The following LMNB1 variants were observed in gnomAD, a reference collection of about 807,000 sequenced individuals.
The protein encoded by LMNB1 is lamin-B1.
Under a neutral mutation model 67.1 loss-of-function variants are expected in LMNB1, and 23 were observed. That is an observed-to-expected ratio of 0.34 (90% CI 0.25 to 0.49). The LOEUF (loss-of-function observed/expected upper bound fraction) is 0.49, where lower values mean the gene tolerates loss of function less well. Ranked by LOEUF, LMNB1 falls within the 20% of genes least tolerant of loss-of-function variation. LMNB1 has a pLI of 0.99. For synonymous variants in LMNB1, 281 were observed against 282.9 expected (o/e 0.99, Z 0.07); for missense variants, 634 against 746.5 (o/e 0.85, Z 1.76).
intron 10 of LMNB1, among the ~76,000 whole-genome samples, chr5:126,834,963 G>A (rs1752218215): frequency 6.6e-6 from 1 of 152,154 alleles, no homozygotes. Context: ...TTGAAAGATT[G>A]GAATTAAACT....
intron 1 of LMNB1, among the ~76,000 whole-genome samples, chr5:126,778,331 A>T (rs1272935843): frequency 6.6e-6 from 1 of 152,008 alleles, no homozygotes; most frequent in East Asian, 1.9e-4. Context: ...GCCGGGGAGG[A>T]CTGGCAGCCC....
intron 9 of LMNB1, among the ~76,000 whole-genome samples, chr5:126,829,126 T>C (rs112998903): frequency 6.6e-6 from 1 of 152,090 alleles, no homozygotes; most frequent in Non-Finnish European, 1.5e-5. Context: ...TAGTCAGTTT[T>C]GTTTCTTATG....
chr5:126,814,747 C>T (rs1005358240), intron 5 of LMNB1, among the ~76,000 whole-genome samples: 4 of 152,122 alleles, frequency 2.6e-5, no homozygotes, highest in Non-Finnish European at 5.9e-5. Context: ...CCATGTTAGC[C>T]AGGTTGGTTT....
chr5:126,831,720 TA>T (rs1752139078), intron 9 of LMNB1, among the ~76,000 whole-genome samples: 1 of 152,240 alleles, frequency 6.6e-6, no homozygotes, highest in African/African-American at 2.4e-5. Flanking sequence ...TGCCAGGAGC[TA>T]AGATCTTTAA....
At chr5:126,782,384 C>T (rs1750653712) in intron 1 of LMNB1, among the ~76,000 whole-genome samples, 1 of 152,262 alleles carries the variant, frequency 6.6e-6, no homozygotes, top group South Asian at 2.1e-4. Flanking sequence ...AGAGTTAGCA[C>T]TCTATCATGA....
In LMNB1 at chr5:126,818,992, G is replaced by T; in HGVS notation, c.1010G>T (p.Arg337Leu). ...GCTAAAGAAAAAGACAACTCTCGTC[G>T]CATGCTGACAGACAAAGAGAGAGAG... ...LLAKEKDNSRRMLTDKEREMA... is the reference protein window; with the variant it reads ...LLAKEKDNSRLMLTDKEREMA... The change falls in exon 6 of 11, where the codon CGC becomes CTC. Residue 337 changes from arginine (R) to leucine (L), a missense_variant. By Grantham distance (102) the Arg-to-Leu change is moderately radical (BLOSUM62 -2). Coordinates refer to ENST00000261366, the MANE Select transcript of LMNB1 (RefSeq NM_005573.4). 3 of 1,614,126 alleles carry T rather than the reference G, an allele frequency of 1.9e-6. No homozygotes were observed. Among genetic ancestry groups the T allele is most frequent in the South Asian group, 1.1e-5 (1 of 91,084 alleles).
At chr5:126,791,714 G>T (rs1750963166) in intron 1 of LMNB1, among the ~76,000 whole-genome samples, 1 of 151,834 alleles carries the variant, frequency 6.6e-6, no homozygotes, top group Non-Finnish European at 1.5e-5. Flanking sequence ...TGGTCCTTCT[G>T]CCTCAGCCTC....
chr5:126,822,808 A>G lies in LMNB1; in HGVS notation c.1414A>G (p.Ile472Val). Residue 472 changes from isoleucine to valine, a missense_variant, in exon 8 of 11, where the codon ATC (isoleucine) becomes GTC (valine). Coordinates refer to ENST00000261366, the MANE Select transcript of LMNB1 (RefSeq NM_005573.4). ...QDQPMGGWEM[I>V]RKIGDTSVSY... ...TCAACCAATGGGAGGCTGGGAGATG[A>G]TCAGAAAAATTGGAGACACATCAGT... The G allele has an allele frequency of 6.2e-7, 1 of 1,612,720 alleles. No individual in the cohort carries two copies. Among genetic ancestry groups the G allele is most frequent in the East Asian group, 2.2e-5 (1 of 44,862 alleles).
intron 2 of LMNB1, among the ~76,000 whole-genome samples, chr5:126,805,216 T>C (rs947973279): frequency 5.9e-5 from 9 of 152,150 alleles, no homozygotes; most frequent in African/African-American, 2.2e-4. Context: ...CCTATTTTGT[T>C]AGTTAGGAAA....
At chr5:126,799,304 G>T (rs560864620) in intron 1 of LMNB1, among the ~76,000 whole-genome samples, 2 of 152,200 alleles carry the variant, frequency 1.3e-5, no homozygotes, top group Non-Finnish European at 2.9e-5. Context: ...GAGCCACCGC[G>T]CCCGGCCGCG....
chr5:126,796,782 CTTTCTTT>C (rs1580533557), intron 1 of LMNB1, among the ~76,000 whole-genome samples: 2 of 125,630 alleles, frequency 1.6e-5, no homozygotes, highest in African/African-American at 6.0e-5. Context: ...TTTCTTTTTT[CTTTCTTT>C]TTTTTTTTTT....
intron 1 of LMNB1, among the ~76,000 whole-genome samples, chr5:126,794,340 G>A (rs1179041648): frequency 2.6e-5 from 4 of 152,196 alleles, no homozygotes; most frequent in Non-Finnish European, 5.9e-5. Flanking sequence ...GTTAACATGA[G>A]GACAGTGTTG....
At chr5:126,826,194 C>T (rs933730728) in intron 9 of LMNB1, 87 bp downstream of exon 9, 1 of 1,442,886 alleles carries the variant, frequency 6.9e-7, no homozygotes, top group Non-Finnish European at 9.4e-7. Context: ...TTGAAACGTG[C>T]AATAACCGAT....
Position 126,822,787 on chromosome 5 carries a change from C to T in LMNB1, c.1393C>T (p.Pro465Ser), listed in dbSNP as rs1245676265. 1.9e-6 allele frequency: 3 copies of T among 1,603,722 alleles called. No individual in the cohort carries two copies. Among genetic ancestry groups the T allele is most frequent in the Non-Finnish European group, 1.7e-6 (2 of 1,170,836 alleles). ...RLKNTSEQDQ[P>S]MGGWEMIRKI... ...CCCTCCTTTCTGTGTGTAGGATCAA[C>T]CAATGGGAGGCTGGGAGATGATCAG... The change falls in exon 8 of 11, where the codon CCA becomes TCA. Residue 465 changes from proline to serine, a missense_variant. Physicochemically the swap from Pro to Ser is moderately conservative, Grantham distance 74. Transcript: ENST00000261366.
intron 1 of LMNB1, among the ~76,000 whole-genome samples, chr5:126,781,987 A>G (rs1183446946): frequency 6.6e-6 from 1 of 152,208 alleles, no homozygotes; most frequent in East Asian, 1.9e-4. Flanking sequence ...TGTAAGGTAC[A>G]GTTACTTTGA....
chr5:126,778,825 T>C (rs1398257988), intron 1 of LMNB1, among the ~76,000 whole-genome samples: 1 of 152,160 alleles, frequency 6.6e-6, no homozygotes. Context: ...GACAGGGTGC[T>C]GTGTAAATGC....
Position 126,822,695 on chromosome 5 carries a change from C to T in LMNB1, c.1387-86C>T, listed in dbSNP as rs1179894420. 4 of 757,928 alleles carry T rather than the reference C, an allele frequency of 5.3e-6. No homozygotes were observed. The South Asian group carries it at 7.2e-5, about 14-fold the overall frequency. 47.0% of individuals were successfully genotyped at this position (757,928 alleles called of 1,614,324 possible). A position where few individuals can be genotyped will look rare whatever the true frequency, so the allele number is the denominator to read the frequency against. On this transcript the variant is annotated intron_variant, in intron 7 of 10. Transcript: ENST00000261366. ...TGACCATAAAGCGGTCTTAGTTTAA[C>T]TGCCTGTATGGATTAATTTATTTGA... is the stretch of plus-strand genomic sequence containing the variant.
chr5:126,828,063 G>A (rs1752040913), intron 9 of LMNB1, among the ~76,000 whole-genome samples: 1 of 152,160 alleles, frequency 6.6e-6, no homozygotes, highest in Non-Finnish European at 1.5e-5. Flanking sequence ...ATCAGACATG[G>A]ACCTTGACTT....
In LMNB1 at chr5:126,821,103, A is replaced by G; in HGVS notation, c.1354A>G (p.Lys452Glu). Reference sequence around the variant, plus strand: ...CATCGAAGAAATTGATGTTGATGGGAAATTTATCCGCTTGAAGAACACTTC... The same window carrying G: ...CATCGAAGAAATTGATGTTGATGGGGAATTTATCCGCTTGAAGAACACTTC... ...VCIEEIDVDG[K>E]FIRLKNTSEQ... The change falls in exon 7 of 11, where the codon AAA (lysine) becomes GAA (glutamate). Residue 452 changes from lysine (K) to glutamate (E), a missense_variant. By Grantham distance (56) the Lys-to-Glu change is moderately conservative. Coordinates refer to ENST00000261366, the MANE Select transcript of LMNB1 (RefSeq NM_005573.4). The G allele has an allele frequency of 6.2e-7, 1 of 1,613,818 alleles. No individual in the cohort carries two copies. The highest frequency in any genetic ancestry group is 8.5e-7 in the Non-Finnish European group (1 of 1,179,824).
Sources: gnomAD v4.1 joint callset for allele counts (sites outside exome capture counted in the v4.1 genomes callset) on GRCh38, gnomAD v4.1.1 for gene constraint, MANE v1.5 for transcripts, NCBI Gene and HGNC (gene_info 2026-07-23, HGNC 2026-07-21) for gene names.